Variants in CTNNA3 observed in about 807,000 individuals in gnomAD.
CTNNA3 encodes catenin alpha 3.
Under a neutral mutation model 95.7 loss-of-function variants are expected in CTNNA3, and 76 were observed. The observed-to-expected ratio is 0.79, with a 90% CI of 0.66 to 0.96. The LOEUF (loss-of-function observed/expected upper bound fraction) is 0.96, where lower values mean the gene tolerates loss of function less well. CTNNA3 is among the 40% of genes least tolerant of loss of function. CTNNA3 has a pLI of 0.00. For missense variants in CTNNA3, 1,191 were observed against 1,089.8 expected (o/e 1.09, Z -1.31); for synonymous variants, 431 against 374.4 (o/e 1.15, Z -1.74).
intron 13 of CTNNA3, among the ~76,000 whole-genome samples, chr10:66,112,611 T>C (rs1228945580): frequency 6.6e-6 from 1 of 152,134 alleles, no homozygotes; most frequent in African/African-American, 2.4e-5. Flanking sequence ...TTCATAACTT[T>C]GGAGCAGCAA....
intron 7 of CTNNA3, among the ~76,000 whole-genome samples, chr10:66,850,286 A>C (rs2132378320): frequency 6.6e-6 from 1 of 152,292 alleles, no homozygotes; most frequent in South Asian, 2.1e-4. Context: ...AATGAAGATA[A>C]GCAATATCTG....
chr10:67,623,192 T>C (rs1328404065), intron 2 of CTNNA3, among the ~76,000 whole-genome samples: 1 of 152,164 alleles, frequency 6.6e-6, no homozygotes, highest in Non-Finnish European at 1.5e-5. Flanking sequence ...AAATGACCTA[T>C]AGAAATGACA....
chr10:66,627,056 A>C (rs1844961765), intron 9 of CTNNA3, among the ~76,000 whole-genome samples: 2 of 152,268 alleles, frequency 1.3e-5, no homozygotes, highest in South Asian at 4.1e-4. Context: ...ACTGAGGTGA[A>C]AGTCTAAAAA....
At chr10:66,981,244 C>T (rs1850423330) in intron 7 of CTNNA3, among the ~76,000 whole-genome samples, 1 of 152,158 alleles carries the variant, frequency 6.6e-6, no homozygotes, top group Non-Finnish European at 1.5e-5. Flanking sequence ...AATCAATATC[C>T]TGACTACAGT....
chr10:66,460,244 A>G (rs1233103124), intron 11 of CTNNA3, among the ~76,000 whole-genome samples: 1 of 152,176 alleles, frequency 6.6e-6, no homozygotes. Context: ...ATTGTTTTAA[A>G]CAGTTTAATT....
chr10:66,465,245 TG>T (rs1225807219), intron 11 of CTNNA3, among the ~76,000 whole-genome samples: 1 of 152,080 alleles, frequency 6.6e-6, no homozygotes, highest in African/African-American at 2.4e-5. Context: ...ACCTAATGAG[TG>T]GTACACCATG....
chr10:67,541,229 C>A (rs549024569), intron 3 of CTNNA3, among the ~76,000 whole-genome samples: 1 of 151,568 alleles, frequency 6.6e-6, no homozygotes, highest in South Asian at 2.1e-4. Context: ...TATATATTGC[C>A]CCAAAATTCT....
chr10:66,074,681 TC>T (rs1349199694), intron 14 of CTNNA3, among the ~76,000 whole-genome samples: 1 of 151,814 alleles, frequency 6.6e-6, no homozygotes, highest in Non-Finnish European at 1.5e-5. Context: ...TGTCAGTTCT[TC>T]CCCCTAGATG....
intron 12 of CTNNA3, among the ~76,000 whole-genome samples, chr10:66,307,558 C>G (rs936542547): frequency 6.6e-6 from 1 of 152,126 alleles, no homozygotes; most frequent in Non-Finnish European, 1.5e-5. Flanking sequence ...TATCTTCTGA[C>G]AAATTCTGAT....
At chr10:66,284,222 A>T (rs1216035993) in intron 12 of CTNNA3, among the ~76,000 whole-genome samples, 1 of 151,948 alleles carries the variant, frequency 6.6e-6, no homozygotes, top group Non-Finnish European at 1.5e-5. Context: ...CAGAATAGAC[A>T]GAATAATAGC....
intron 17 of CTNNA3, among the ~76,000 whole-genome samples, chr10:65,962,559 A>AT (rs202036985): frequency 6.5e-4 from 97 of 149,764 alleles, no homozygotes; most frequent in South Asian, 2.1e-3. Flanking sequence ...TCTTAGACTA[A>AT]TTTTTTTTTT....
intron 10 of CTNNA3, among the ~76,000 whole-genome samples, chr10:66,582,092 T>G (rs901458471): frequency 1.3e-5 from 2 of 151,932 alleles, no homozygotes; most frequent in Non-Finnish European, 2.9e-5. Flanking sequence ...CCTCCAGATT[T>G]GTTCTTTTCG....
intron 5 of CTNNA3, among the ~76,000 whole-genome samples, chr10:67,391,394 G>T (rs1006427107): frequency 2.0e-4 from 31 of 151,600 alleles, no homozygotes; most frequent in African/African-American, 3.9e-4. Flanking sequence ...CACTGCTCAA[G>T]GAAATAAAAG....
intron 11 of CTNNA3, among the ~76,000 whole-genome samples, chr10:66,482,177 TC>T: frequency 6.6e-6 from 1 of 152,300 alleles, no homozygotes; most frequent in South Asian, 2.1e-4. Flanking sequence ...ACGCAGACTG[TC>T]CCTTTGTGCT....
intron 11 of CTNNA3, among the ~76,000 whole-genome samples, chr10:66,491,684 G>A (rs1369264203): frequency 6.6e-6 from 1 of 152,020 alleles, no homozygotes; most frequent in Non-Finnish European, 1.5e-5. Flanking sequence ...ATCTGAAGGA[G>A]GCAAAAGGAA....
At chr10:67,320,323 T>C (rs1236733179) in intron 5 of CTNNA3, among the ~76,000 whole-genome samples, 2 of 152,156 alleles carry the variant, frequency 1.3e-5, no homozygotes, top group Middle Eastern at 3.2e-3. Flanking sequence ...TTTGAGTATG[T>C]GCAGAACATA....
chr10:66,082,814 A>AT (rs1253847641), intron 14 of CTNNA3, among the ~76,000 whole-genome samples: 4 of 152,218 alleles, frequency 2.6e-5, no homozygotes, highest in Non-Finnish European at 5.9e-5. Context: ...GGTGGCTACC[A>AT]TTTTCAGTCA....
At chr10:67,225,363 C>G (rs1316728822) in intron 5 of CTNNA3, among the ~76,000 whole-genome samples, 1 of 152,208 alleles carries the variant, frequency 6.6e-6, no homozygotes, top group African/African-American at 2.4e-5. Context: ...CCTCTCCATA[C>G]TACCACAGCT....
chr10:66,704,317 T>G (rs1277442808), intron 9 of CTNNA3, among the ~76,000 whole-genome samples: 2 of 152,190 alleles, frequency 1.3e-5, no homozygotes, highest in Admixed American at 6.5e-5. Context: ...TTTGACTTTC[T>G]GTGCTGTAGA....
Sources: allele counts gnomAD v4.1 joint callset (sites outside exome capture counted in the v4.1 genomes callset), GRCh38; gene constraint gnomAD v4.1.1; transcripts MANE v1.5; gene names NCBI Gene and HGNC (gene_info 2026-07-23, HGNC 2026-07-21).